CPN1: variants seen among roughly 807,000 people sequenced by gnomAD.
The protein encoded by CPN1 is carboxypeptidase N subunit 1, also known as carboxypeptidase N catalytic chain.
In CPN1, 37 loss-of-function variants were observed where a neutral mutation model predicts 46.4. The observed-to-expected ratio is 0.80, with a 90% confidence interval of 0.61 to 1.05. The LOEUF (loss-of-function observed/expected upper bound fraction) is 1.05. CPN1 is among the 50% of genes least tolerant of loss of function. The pLI is 0.00. For missense variants in CPN1, 563 were observed against 602.6 expected, an observed-to-expected ratio of 0.93 and a Z score of 0.69; for synonymous variants, 224 against 235.4, an observed-to-expected ratio of 0.95 and a Z score of 0.44.
chr10:100,059,988 A>G (rs955181037), intron 5 of CPN1, among the ~76,000 whole-genome samples: 2 of 152,206 alleles, frequency 1.3e-5, no homozygotes, highest in African/African-American at 4.8e-5. Flanking sequence ...TAAGGCATTC[A>G]CAAAAAGACA....
At chr10:100,077,969 T>G (rs542367614) in intron 1 of CPN1, among the ~76,000 whole-genome samples, 2 of 152,340 alleles carry the variant, frequency 1.3e-5, no homozygotes, top group Admixed American at 1.3e-4. Flanking sequence ...CACTGCCCTG[T>G]AGAACTTTGG....
At chr10:100,070,040 A>C (rs1378359948) in intron 2 of CPN1, among the ~76,000 whole-genome samples, 171 bp from the exon 3 acceptor site, 1 of 151,834 alleles carries the variant, frequency 6.6e-6, no homozygotes, top group Non-Finnish European at 1.5e-5. Flanking sequence ...CTCCCACCTC[A>C]GTCTCCTGAG....
At chr10:100,069,575 G>C in intron 3 of CPN1, 139 bp downstream of exon 3, 1 of 981,202 alleles carries the variant, frequency 1.0e-6, no homozygotes. Context: ...ATATATTATT[G>C]CTCTAGATGG....
intron 8 of CPN1, among the ~76,000 whole-genome samples, chr10:100,046,367 A>C (rs1413217549): frequency 1.3e-5 from 2 of 151,928 alleles, no homozygotes; most frequent in African/African-American, 4.8e-5. Flanking sequence ...AGTGCTTTGG[A>C]AGGCCAAGGT....
chr10:100,061,411 C>G (rs1287294689), intron 5 of CPN1, among the ~76,000 whole-genome samples: 2 of 152,190 alleles, frequency 1.3e-5, no homozygotes, highest in Non-Finnish European at 1.5e-5. Context: ...TTGGTTCTCT[C>G]CATGCATTAG....
chr10:100,069,861 G>A lies in CPN1; in HGVS notation c.429C>T (p.Asn143=), dbSNP rs1589477809. 6.2e-7 allele frequency: 1 copy of A among 1,613,468 alleles called. No homozygotes were observed. Among genetic ancestry groups the A allele is most frequent in the South Asian group, 1.1e-5 (1 of 91,052 alleles). Residue 143 remains asparagine (N), a synonymous_variant, in exon 3 of 9, where the codon AAC becomes AAT. Coordinates refer to ENST00000370418, the MANE Select transcript of CPN1 (RefSeq NM_001308.3). The part of the protein sequence containing the change: ...GYEVAAAQGP[N]KPGYLVGRNN... ...TCCTGCCAACTAGATACCCAGGCTT[G>A]TTTGGGCCCTAAAGGAAAATGAAAA...
At chr10:100,052,799 G>A (rs964573838) in intron 7 of CPN1, among the ~76,000 whole-genome samples, 1 of 152,184 alleles carries the variant, frequency 6.6e-6, no homozygotes, top group East Asian at 1.9e-4. Context: ...AGGCTCACCT[G>A]AGCCTGGAAG....
At chr10:100,046,498 T>C (rs2041312910) in intron 8 of CPN1, among the ~76,000 whole-genome samples, 1 of 151,978 alleles carries the variant, frequency 6.6e-6, no homozygotes, top group South Asian at 2.1e-4. Context: ...TTAGGCCAGG[T>C]GCAGTGGCTC....
intron 5 of CPN1, among the ~76,000 whole-genome samples, chr10:100,060,554 C>T (rs2041410755): frequency 6.6e-6 from 1 of 151,810 alleles, no homozygotes; most frequent in Admixed American, 6.6e-5. Flanking sequence ...AAAGAGACTC[C>T]AACTCAAAAT....
At chr10:100,081,115 A>T (rs927165299) in intron 1 of CPN1, among the ~76,000 whole-genome samples, 7 of 152,142 alleles carry the variant, frequency 4.6e-5, no homozygotes, top group Admixed American at 4.6e-4. Context: ...AAATGGGGGA[A>T]ATGAAGGGAT....
Position 100,057,032 on chromosome 10 carries a change from AG to A in CPN1, c.991del (p.Leu331Ter). 1 of 1,614,188 alleles carries A rather than the reference AG, an allele frequency of 6.2e-7. No homozygotes were observed. Among genetic ancestry groups the A allele is most frequent in the Non-Finnish European group, 8.5e-7 (1 of 1,180,008 alleles). On this transcript the variant is annotated frameshift_variant, in exon 6 of 9. Coordinates refer to ENST00000370418, the MANE Select transcript of CPN1 (RefSeq NM_001308.3). LOFTEE classifies it high-confidence loss of function. ...QREWLGNREALIQFLEQVHQG... is the reference protein window; with the variant it reads ...QREWLGNREAXIQFLEQVHQG... ...TTTTACCTGTTCCAGGAACTGGATTAGGGCTTCCCGATTACCCAGCCACTCC... is the reference window on the plus strand; with the variant it reads ...TTTTACCTGTTCCAGGAACTGGATTAGGCTTCCCGATTACCCAGCCACTCC...
chr10:100,061,574 G>A (rs11597528), intron 5 of CPN1, among the ~76,000 whole-genome samples: 1 of 152,070 alleles, frequency 6.6e-6, no homozygotes, highest in Admixed American at 6.5e-5. Flanking sequence ...CTAATCAAGA[G>A]ACCACACTGT....
intron 7 of CPN1, among the ~76,000 whole-genome samples, chr10:100,053,073 G>T (rs1301838928): frequency 6.6e-6 from 1 of 152,164 alleles, no homozygotes; most frequent in Admixed American, 6.6e-5. Context: ...AAAAAGGATG[G>T]TTCCTGAGTT....
chr10:100,074,041 C>CT (rs386372243), intron 2 of CPN1, among the ~76,000 whole-genome samples: 2 of 152,128 alleles, frequency 1.3e-5, no homozygotes, highest in Non-Finnish European at 2.9e-5. Context: ...CCATCCCCCC[C>CT]CCACAATACT....
At chr10:100,061,221 A>G (rs542362570) in intron 5 of CPN1, among the ~76,000 whole-genome samples, 1 of 152,304 alleles carries the variant, frequency 6.6e-6, no homozygotes, top group African/African-American at 2.4e-5. Flanking sequence ...GAGGGAGTAC[A>G]ATTGGAATGT....
At chr10:100,070,706 AAG>A (rs2041479246) in intron 2 of CPN1, among the ~76,000 whole-genome samples, 1 of 152,212 alleles carries the variant, frequency 6.6e-6, no homozygotes, top group African/African-American at 2.4e-5. Context: ...GATCACGTGT[AAG>A]AGGTACATAT....
At chr10:100,046,459 G>T (rs7897810) in intron 8 of CPN1, among the ~76,000 whole-genome samples, 2,225 of 152,138 alleles carry the variant, frequency 0.015, 55 homozygotes, top group African/African-American at 0.051. Context: ...GCTACACAGA[G>T]AACCCGTCTC....
chr10:100,057,204 G>A (rs1384399209), intron 5 of CPN1, 52 bp from the exon 6 acceptor site: 1 of 1,588,650 alleles, frequency 6.3e-7, no homozygotes, highest in Admixed American at 1.7e-5. Flanking sequence ...CCCACCCAAT[G>A]CCCCATCTCA....
intron 8 of CPN1, among the ~76,000 whole-genome samples, chr10:100,043,707 T>C (rs1387004941): frequency 2.0e-5 from 3 of 151,960 alleles, no homozygotes; most frequent in African/African-American, 7.3e-5. Context: ...CTTGTTATGT[T>C]GTCCAGGCTG....
Sources: gnomAD v4.1 joint callset for allele counts (sites outside exome capture counted in the v4.1 genomes callset) on GRCh38, gnomAD v4.1.1 for gene constraint, MANE v1.5 for transcripts, NCBI Gene and HGNC (gene_info 2026-07-23, HGNC 2026-07-21) for gene names.